ZNF385B: variants seen among roughly 807,000 people sequenced by gnomAD.
The protein encoded by ZNF385B is zinc finger protein 533.
Under a neutral mutation model 39.2 loss-of-function variants are expected in ZNF385B, and 23 were observed. The ratio of observed to expected loss-of-function variants is 0.59; its 90% CI spans 0.42 to 0.83. The LOEUF (loss-of-function observed/expected upper bound fraction) is 0.83. Ranked by LOEUF, ZNF385B falls within the 40% of genes least tolerant of loss-of-function variation. ZNF385B has a pLI of 0.00. For missense variants in ZNF385B, 552 were observed against 598.9 expected, an observed-to-expected ratio of 0.92 and a Z score of 0.82; for synonymous variants, 205 against 222.6, an observed-to-expected ratio of 0.92 and a Z score of 0.70.
chr2:179,852,419 A>T (rs1266188481), intron 1 of ZNF385B, among the ~76,000 whole-genome samples: 1 of 152,162 alleles, frequency 6.6e-6, no homozygotes, highest in Non-Finnish European at 1.5e-5. Context: ...AACTCTATGT[A>T]GTCATAATTA....
At position 179,710,452 on chromosome 2, in the gene ZNF385B, T is replaced by C. The variant is rs993999742; in HGVS notation, c.298+59051A>G. The stretch of plus-strand genomic sequence containing the variant: ...ATATACAGATCACATCTATTTTACA[T>C]CCTACTCCCCGTCGTACGATTAAAA... On this transcript the variant is annotated intron_variant, in intron 3 of 9. Coordinates refer to ENST00000410066, the MANE Select transcript of ZNF385B (RefSeq NM_152520.6). Among the ~76,000 whole-genome samples the C allele has an allele frequency of 2.0e-5, 3 of 152,276 alleles. No individual in the cohort carries two copies. In the South Asian group the frequency reaches 6.2e-4, roughly 32 times the overall value.
chr2:179,499,462 A>T (rs974696816), intron 5 of ZNF385B, among the ~76,000 whole-genome samples: 8 of 152,114 alleles, frequency 5.3e-5, no homozygotes, highest in Admixed American at 3.3e-4. Flanking sequence ...AGTGGGATTT[A>T]TCCCTAGGAT....
intron 3 of ZNF385B, among the ~76,000 whole-genome samples, chr2:179,632,675 A>G (rs980439264): frequency 3.3e-5 from 5 of 152,204 alleles, no homozygotes; most frequent in African/African-American, 4.8e-5. Flanking sequence ...TTCAAAAGCT[A>G]GCAGAAGGTA....
chr2:179,571,174 C>G (rs1046986590), intron 3 of ZNF385B, among the ~76,000 whole-genome samples: 8 of 152,152 alleles, frequency 5.3e-5, no homozygotes, highest in African/African-American at 1.9e-4. Context: ...CCAGAAAGTC[C>G]TTGCTCTTAA....
At chr2:179,521,764 G>A (rs921767662) in intron 4 of ZNF385B, among the ~76,000 whole-genome samples, 3 of 151,998 alleles carry the variant, frequency 2.0e-5, no homozygotes, top group Admixed American at 6.6e-5. Flanking sequence ...AACTAAATAA[G>A]CACAGCCCTT....
At chr2:179,636,463 A>G (rs62176331) in intron 3 of ZNF385B, among the ~76,000 whole-genome samples, 9,755 of 152,280 alleles carry the variant, frequency 0.064, 476 homozygotes, top group East Asian at 0.19. Context: ...ACCACCCAAC[A>G]TGAGGAAAAG....
intron 3 of ZNF385B, among the ~76,000 whole-genome samples, chr2:179,545,368 G>T (rs548341023): frequency 2.4e-4 from 36 of 152,266 alleles, no homozygotes; most frequent in Admixed American, 1.8e-3. Flanking sequence ...ATTACTGAAT[G>T]GCTAGTGGAC....
chr2:179,561,925 C>G (rs7563299), intron 3 of ZNF385B, among the ~76,000 whole-genome samples: 1 of 152,094 alleles, frequency 6.6e-6, no homozygotes, highest in Non-Finnish European at 1.5e-5. Context: ...AAATCTCCCA[C>G]GTCACTCAAT....
At chr2:179,840,859 GAA>G (rs2106614959) in intron 1 of ZNF385B, among the ~76,000 whole-genome samples, 1 of 152,170 alleles carries the variant, frequency 6.6e-6, no homozygotes, top group East Asian at 1.9e-4. Flanking sequence ...ATGAAAAAAA[GAA>G]AAGTTTTCTT....
chr2:179,663,440 G>A, intron 3 of ZNF385B, among the ~76,000 whole-genome samples: 1 of 152,134 alleles, frequency 6.6e-6, no homozygotes, highest in East Asian at 1.9e-4. Context: ...GCTAGGCGCG[G>A]TGGCTCACGC....
chr2:179,844,089 GT>G (rs1708679245), intron 1 of ZNF385B, among the ~76,000 whole-genome samples: 1 of 152,132 alleles, frequency 6.6e-6, no homozygotes, highest in African/African-American at 2.4e-5. Context: ...TAGCAGATCG[GT>G]CCAGAGATGA....
intron 6 of ZNF385B, among the ~76,000 whole-genome samples, chr2:179,454,087 A>G (rs2050431626): frequency 6.6e-6 from 1 of 152,210 alleles, no homozygotes. Flanking sequence ...GGAGTGTTCA[A>G]TTGGATAAGA....
At chr2:179,805,747 A>G (rs1706310026) in intron 1 of ZNF385B, among the ~76,000 whole-genome samples, 1 of 152,196 alleles carries the variant, frequency 6.6e-6, no homozygotes, top group Admixed American at 6.5e-5. Context: ...TAAGACCTAT[A>G]TAATGGTTAG....
chr2:179,527,455 A>G (rs2105843925), intron 4 of ZNF385B, among the ~76,000 whole-genome samples: 1 of 152,238 alleles, frequency 6.6e-6, no homozygotes, highest in African/African-American at 2.4e-5. Context: ...ACTAAAGTCA[A>G]GAAAAAAAAA....
rs569395603 is a variant in ZNF385B, at chr2:179,706,898, C to A, written c.298+62605G>T. Among the ~76,000 whole-genome samples, 7 of 152,252 alleles carry A rather than the reference C, an allele frequency of 4.6e-5. No individual in the cohort carries two copies. The East Asian group carries it at 1.4e-3, about 29-fold the overall frequency. On this transcript the variant is annotated intron_variant, in intron 3 of 9. Coordinates refer to ENST00000410066, the MANE Select transcript of ZNF385B (RefSeq NM_152520.6). Reference sequence around the variant, plus strand: ...GGACACGGGATGACAAAATGGAGACCCTGGCTTGTTGGGTAGCCTGTTTGA... The same window carrying A: ...GGACACGGGATGACAAAATGGAGACACTGGCTTGTTGGGTAGCCTGTTTGA...
chr2:179,560,695 G>A (rs1466264324), intron 3 of ZNF385B, among the ~76,000 whole-genome samples: 1 of 151,852 alleles, frequency 6.6e-6, no homozygotes, highest in Non-Finnish European at 1.5e-5. Flanking sequence ...CTCTGTTTCT[G>A]TACATTTGCG....
chr2:179,693,228 A>G (rs1188335580), intron 3 of ZNF385B, among the ~76,000 whole-genome samples: 1 of 152,204 alleles, frequency 6.6e-6, no homozygotes, highest in South Asian at 2.1e-4. Context: ...ACGCACACTC[A>G]TTTAAAGAAG....
chr2:179,733,321 T>G (rs1330914071), intron 3 of ZNF385B, among the ~76,000 whole-genome samples: 3 of 152,208 alleles, frequency 2.0e-5, no homozygotes, highest in Non-Finnish European at 4.4e-5. Flanking sequence ...ATCCATTAAC[T>G]GTGACTAGAA....
chr2:179,477,694 A>G (rs1001682860), intron 6 of ZNF385B, among the ~76,000 whole-genome samples: 2 of 152,286 alleles, frequency 1.3e-5, no homozygotes, highest in East Asian at 3.9e-4. Flanking sequence ...ATTTGGCTCT[A>G]GACATGTAAA....
Sources: gnomAD v4.1 joint callset for allele counts (sites outside exome capture counted in the v4.1 genomes callset) on GRCh38, gnomAD v4.1.1 for gene constraint, MANE v1.5 for transcripts, NCBI Gene and HGNC (gene_info 2026-07-23, HGNC 2026-07-21) for gene names.